TET1: variants seen among roughly 807,000 people sequenced by gnomAD.
The protein encoded by TET1 is methylcytosine dioxygenase TET1.
In TET1, 13 loss-of-function variants were observed where a neutral mutation model predicts 148.7. The ratio of observed to expected loss-of-function variants is 0.09; its 90% CI spans 0.06 to 0.14. The LOEUF (loss-of-function observed/expected upper bound fraction) is 0.14. TET1 is among the 10% of genes least tolerant of loss of function. The pLI, the probability that TET1 is intolerant of heterozygous loss-of-function variation, is 1.00. For synonymous variants in TET1, 907 were observed against 937.2 expected, an observed-to-expected ratio of 0.97 and a Z score of 0.59; for missense variants, 2,182 against 2,553.8, an observed-to-expected ratio of 0.85 and a Z score of 3.14.
chr10:68,684,158 A>G (rs1160064247), intron 10 of TET1, among the ~76,000 whole-genome samples: 1 of 152,152 alleles, frequency 6.6e-6, no homozygotes, highest in Non-Finnish European at 1.5e-5. Context: ...GGAGGCCAAG[A>G]TAGGAGGATT....
intron 3 of TET1, among the ~76,000 whole-genome samples, chr10:68,640,073 A>G (rs1309072376): frequency 6.6e-6 from 1 of 151,322 alleles, no homozygotes; most frequent in Non-Finnish European, 1.5e-5. Flanking sequence ...AATTACAGGC[A>G]TGTGTCACCT....
intron 2 of TET1, among the ~76,000 whole-genome samples, chr10:68,585,857 A>C (rs2053855161): frequency 6.6e-6 from 1 of 151,798 alleles, no homozygotes; most frequent in African/African-American, 2.4e-5. Flanking sequence ...AAAGTACAAA[A>C]ATTAGCCAGG....
intron 3 of TET1, 37 bp downstream of exon 3, chr10:68,601,071 T>C: frequency 6.5e-7 from 1 of 1,546,520 alleles, no homozygotes; most frequent in Non-Finnish European, 8.8e-7. Flanking sequence ...TTCATTATTT[T>C]TCCATTTCAT....
Position 68,606,927 on chromosome 10 carries a change from C to T in TET1, c.1968+5893C>T, listed in dbSNP as rs538703613. ...CACAATCAAAGACACACATGGGCTT[C>T]GTTTGTATACCCAGAAACTGTAATA... On this transcript the variant is annotated intron_variant, in intron 3 of 11. Transcript: ENST00000373644. Among the ~76,000 whole-genome samples the T allele has an allele frequency of 3.0e-4, 46 of 152,302 alleles. No homozygotes were observed. The South Asian group carries it at 8.9e-3, about 30-fold the overall frequency.
chr10:68,607,279 G>A (rs1195754200), intron 3 of TET1, among the ~76,000 whole-genome samples: 1 of 151,952 alleles, frequency 6.6e-6, no homozygotes, highest in African/African-American at 2.4e-5. Context: ...GATAGTGCCG[G>A]ATTCATACTG....
chr10:68,676,553 C>T (rs1021743912), intron 8 of TET1, among the ~76,000 whole-genome samples: 2 of 151,562 alleles, frequency 1.3e-5, no homozygotes, highest in South Asian at 2.1e-4. Context: ...GGATTACAGG[C>T]GTAAGCCACC....
intron 2 of TET1, among the ~76,000 whole-genome samples, chr10:68,590,811 T>A (rs2053910144): frequency 6.6e-6 from 1 of 152,058 alleles, no homozygotes; most frequent in Non-Finnish European, 1.5e-5. Context: ...AAATAAATAT[T>A]TAAAAAATAT....
At chr10:68,563,128 C>T (rs2053572281) in intron 1 of TET1, among the ~76,000 whole-genome samples, 1 of 152,204 alleles carries the variant, frequency 6.6e-6, no homozygotes, top group Non-Finnish European at 1.5e-5. Context: ...GTCTCCCTTC[C>T]CTTTTCTTGG....
At chr10:68,583,103 T>C (rs530722566) in intron 2 of TET1, among the ~76,000 whole-genome samples, 96 of 152,326 alleles carry the variant, frequency 6.3e-4, no homozygotes, top group African/African-American at 2.3e-3. Context: ...CTTCATCTAG[T>C]GTCAGCATAA....
chr10:68,641,647 C>T (rs1308378535), intron 3 of TET1, among the ~76,000 whole-genome samples: 2 of 132,304 alleles, frequency 1.5e-5, no homozygotes, highest in African/African-American at 2.8e-5. Context: ...TACAGGCGTA[C>T]GCCACCCTGC....
intron 6 of TET1, among the ~76,000 whole-genome samples, chr10:68,665,474 T>G (rs1012464211): frequency 3.9e-5 from 6 of 152,248 alleles, no homozygotes; most frequent in African/African-American, 1.4e-4. Context: ...GCCTTACGGA[T>G]TTAATATTTA....
At chr10:68,674,498 C>T in intron 8 of TET1, 3 of 450,134 alleles carry the variant, frequency 6.7e-6, no homozygotes, top group South Asian at 2.2e-5. Flanking sequence ...AATCTGATGG[C>T]CTCAAGGGTC....
At chr10:68,651,605 TA>T (rs1484471708) in intron 4 of TET1, among the ~76,000 whole-genome samples, 1 of 152,076 alleles carries the variant, frequency 6.6e-6, no homozygotes, top group African/African-American at 2.4e-5. Context: ...CATCTTAAAA[TA>T]TTTTTTTTCT....
chr10:68,630,130 G>C (rs1435209852), intron 3 of TET1, among the ~76,000 whole-genome samples: 2 of 152,158 alleles, frequency 1.3e-5, no homozygotes, highest in Non-Finnish European at 2.9e-5. Flanking sequence ...AGTATGAGTA[G>C]AGGACACGGG....
chr10:68,652,051 G>C (rs1163302714), intron 5 of TET1, 115 bp downstream of exon 5: 8 of 960,528 alleles, frequency 8.3e-6, no homozygotes, highest in Admixed American at 2.6e-5. Context: ...AGTATGAGTT[G>C]GATGTTTCTT....
intron 6 of TET1, among the ~76,000 whole-genome samples, chr10:68,660,408 G>A (rs1190441134): frequency 7.3e-6 from 1 of 137,082 alleles, no homozygotes; most frequent in African/African-American, 2.8e-5. Flanking sequence ...GGCACAATCT[G>A]GGCTTACTGC....
chr10:68,667,844 A>C (rs1463265755), intron 7 of TET1, among the ~76,000 whole-genome samples: 1 of 152,092 alleles, frequency 6.6e-6, no homozygotes, highest in Non-Finnish European at 1.5e-5. Context: ...TAGAGTCTGG[A>C]GGAAAGGGAT....
intron 1 of TET1, among the ~76,000 whole-genome samples, 175 bp downstream of exon 1, chr10:68,560,917 CCCGGG>C (rs1354530547): frequency 6.6e-6 from 1 of 152,208 alleles, no homozygotes; most frequent in African/African-American, 2.4e-5. Context: ...GACCCCCCAC[CCCGGG>C]ACGCTCGGGA....
intron 11 of TET1, 52 bp from the exon 12 acceptor site, chr10:68,690,756 C>A (rs2055578666): frequency 6.6e-7 from 1 of 1,506,636 alleles, no homozygotes; most frequent in Non-Finnish European, 8.9e-7. Flanking sequence ...TAAAAGGCAA[C>A]CCCTACCAAA....
Sources: allele counts gnomAD v4.1 joint callset (sites outside exome capture counted in the v4.1 genomes callset), GRCh38; gene constraint gnomAD v4.1.1; transcripts MANE v1.5; gene names NCBI Gene and HGNC (gene_info 2026-07-23, HGNC 2026-07-21).